The following RNF111 variants were observed in gnomAD, a reference collection of about 807,000 sequenced individuals.
RNF111 encodes the protein E3 ubiquitin-protein ligase Arkadia.
A neutral mutation model predicts 95.1 loss-of-function variants in RNF111; 17 were observed. The observed-to-expected ratio is 0.18, with a 90% CI of 0.12 to 0.27. The LOEUF is 0.27. Among genes scored for constraint, RNF111 ranks in the 10% least tolerant of loss-of-function variants. The pLI is 1.00. For missense variants in RNF111, 1,189 were observed against 1,210.4 expected (o/e 0.98, Z 0.26); for synonymous variants, 440 against 414.8 (o/e 1.06, Z -0.74).
Position 59,055,711 on chromosome 15 carries a change from C to T in RNF111, c.1037C>T (p.Ser346Phe). 6.2e-7 allele frequency: 1 copy of T among 1,613,846 alleles called. No individual in the cohort carries two copies. Among genetic ancestry groups the T allele is most frequent in the South Asian group, 1.1e-5 (1 of 91,058 alleles). The stretch of plus-strand genomic sequence containing the variant: ...CGTTCAACCCTTGGACACTCCAGAT[C>T]TCATTGGAGCCAGGGTTCCAGTTCT... ...RSRSTLGHSR[S>F]HWSQGSSSHA... is the part of the protein sequence containing the mutation. The change falls in exon 4 of 14, where the codon TCT becomes TTT. Residue 346 changes from serine to phenylalanine, a missense_variant. By Grantham distance (155) the Ser-to-Phe change is radical. Transcript: ENST00000348370.
At chr15:59,058,654 A>T in intron 5 of RNF111, 104 bp downstream of exon 5, 1 of 972,288 alleles carries the variant, frequency 1.0e-6, no homozygotes, top group Non-Finnish European at 1.6e-6. Flanking sequence ...ATAAGCGGGT[A>T]TTCTTACATT....
At chr15:59,049,283 CT>C (rs1416640726) in intron 2 of RNF111, 1 of 147,688 alleles carries the variant, frequency 6.8e-6, no homozygotes, top group Non-Finnish European at 1.5e-5. Flanking sequence ...CAGTTTTTGT[CT>C]TTTTATGACT....
chr15:59,050,568 T>C (rs2041933659), intron 2 of RNF111, among the ~76,000 whole-genome samples: 1 of 152,202 alleles, frequency 6.6e-6, no homozygotes, highest in Admixed American at 6.5e-5. Context: ...GTGTAATATT[T>C]AAGAGAAGTA....
In RNF111 at chr15:58,993,126, C is replaced by T. The variant is rs576766963; in HGVS notation, c.-20+5058C>T. Among the ~76,000 whole-genome samples the T allele has an allele frequency of 5.9e-5, 9 of 151,786 alleles. No homozygotes were observed. In the East Asian group the frequency reaches 9.7e-4, roughly 16 times the overall value. On this transcript the variant is annotated intron_variant, in intron 1 of 13. Coordinates refer to ENST00000348370, the MANE Select transcript of RNF111 (RefSeq NM_017610.8). ...CAGAGGTTGCAGTGAGCCAAGATTG[C>T]GCCACTGCCCTTCAGTCTGGGTGAC...
At chr15:59,074,423 G>C (rs758974893) in intron 6 of RNF111, among the ~76,000 whole-genome samples, 1 of 152,186 alleles carries the variant, frequency 6.6e-6, no homozygotes, top group African/African-American at 2.4e-5. Flanking sequence ...GGATTTTCTA[G>C]ATAACTTACT....
At chr15:58,995,841 C>G (rs2039047599) in intron 1 of RNF111, among the ~76,000 whole-genome samples, 1 of 116,372 alleles carries the variant, frequency 8.6e-6, no homozygotes, top group East Asian at 2.8e-4. Flanking sequence ...CATCTTATTT[C>G]TTTCCTTTGT....
chr15:59,091,164 T>C lies in RNF111; in HGVS notation c.2739+10T>C. 1 of 1,510,600 alleles carries C rather than the reference T, an allele frequency of 6.6e-7. No individual in the cohort carries two copies. Among genetic ancestry groups the C allele is most frequent in the African/African-American group, 1.4e-5 (1 of 72,792 alleles). The allele number at this position is 1,510,600 out of a possible 1,614,324, so 93.6% of individuals were successfully genotyped here. A position where few individuals can be genotyped will look rare whatever the true frequency, so the allele number is the denominator to read the frequency against. On this transcript the variant is annotated intron_variant, in intron 12 of 13. Coordinates refer to ENST00000348370, the MANE Select transcript of RNF111 (RefSeq NM_017610.8). The stretch of plus-strand genomic sequence containing the variant: ...ACATAAATACAAAAAGGTAAGAATT[T>C]ATTCTATGAAACTTCTGGAGTGTTA...
intron 1 of RNF111, among the ~76,000 whole-genome samples, chr15:59,008,902 A>G (rs554263433): frequency 5.9e-5 from 9 of 152,142 alleles, no homozygotes; most frequent in African/African-American, 1.2e-4. Context: ...TTAAAACAGT[A>G]TACTTTCATT....
intron 1 of RNF111, among the ~76,000 whole-genome samples, chr15:59,029,261 C>T (rs1333416082): frequency 6.6e-6 from 1 of 152,150 alleles, no homozygotes; most frequent in Non-Finnish European, 1.5e-5. Context: ...TCTTAGATCA[C>T]ATGTACCTGT....
chr15:59,077,223 T>G (rs1184578228), intron 7 of RNF111, among the ~76,000 whole-genome samples: 1 of 152,248 alleles, frequency 6.6e-6, no homozygotes, highest in Non-Finnish European at 1.5e-5. Context: ...ATTGATCATC[T>G]TTTATTTGAA....
At chr15:59,090,870 C>G (rs1197572280) in intron 11 of RNF111, among the ~76,000 whole-genome samples, 189 bp from the exon 12 acceptor site, 1 of 152,022 alleles carries the variant, frequency 6.6e-6, no homozygotes, top group Non-Finnish European at 1.5e-5. Context: ...CCAGCCTGGG[C>G]AACATATAAA....
At position 59,090,229 on chromosome 15, in the gene RNF111, TTTG is replaced by T. The variant is rs796896236; in HGVS notation, c.2643+482_2643+484del. On this transcript the variant is annotated intron_variant, in intron 11 of 13. Transcript: ENST00000348370. ...GTTTTTTTGTTTGTTTGTTTGTTTG[TTTG>T]TTGTTGTTGTTTTTTTAGATGGAGT... 1.3e-3 allele frequency among the ~76,000 whole-genome samples: 187 copies of T among 140,612 alleles called. 2 individuals carry two copies. In the South Asian group the frequency reaches 0.031, roughly 23 times the overall value. 92.2% of individuals were successfully genotyped at this position (140,612 alleles called of 152,430 possible). A position where few individuals can be genotyped will look rare whatever the true frequency, so the allele number is the denominator to read the frequency against.
intron 6 of RNF111, among the ~76,000 whole-genome samples, chr15:59,072,893 A>C (rs2043002048): frequency 6.7e-6 from 1 of 150,374 alleles, no homozygotes; most frequent in African/African-American, 2.5e-5. Context: ...AAAAAAAAAA[A>C]CAAAACACTT....
Position 59,010,549 on chromosome 15 carries a change from C to G in RNF111, c.-19-20255C>G, listed in dbSNP as rs550259460. Among the ~76,000 whole-genome samples, 4 of 152,026 alleles carry G rather than the reference C, an allele frequency of 2.6e-5. No individual in the cohort carries two copies. In the East Asian group the frequency reaches 7.8e-4, roughly 29 times the overall value. Reference sequence around the variant, plus strand: ...CCCAAGTAGCTGGGATTACAGGTGCCCACCACCACACCTAACTAATTTTTA... The same window carrying G: ...CCCAAGTAGCTGGGATTACAGGTGCGCACCACCACACCTAACTAATTTTTA... On this transcript the variant is annotated intron_variant, in intron 1 of 13. Coordinates refer to ENST00000348370, the MANE Select transcript of RNF111 (RefSeq NM_017610.8).
chr15:58,990,827 T>A (rs1443665492), intron 1 of RNF111, among the ~76,000 whole-genome samples: 1 of 152,208 alleles, frequency 6.6e-6, no homozygotes, highest in African/African-American at 2.4e-5. Flanking sequence ...TGTTTTTCTT[T>A]CAGAAACCTG....
Position 59,089,881 on chromosome 15 carries a change from C to T in RNF111, c.2643+122C>T, listed in dbSNP as rs2079000009. On this transcript the variant is annotated intron_variant, in intron 11 of 13. Coordinates refer to ENST00000348370, the MANE Select transcript of RNF111 (RefSeq NM_017610.8). ...GTGGCTGGGAATCACATGTGATTTT[C>T]TGATGTTGCTTCTGGGAGTTACAGA... The T allele has an allele frequency of 5.0e-6, 3 of 604,944 alleles. No homozygotes were observed. The East Asian group carries it at 7.9e-5, about 16-fold the overall frequency. The allele number at this position is 604,944 out of a possible 1,614,324, so 37.5% of individuals were successfully genotyped here. A position where few individuals can be genotyped will look rare whatever the true frequency, so the allele number is the denominator to read the frequency against.
intron 6 of RNF111, among the ~76,000 whole-genome samples, chr15:59,069,751 A>G (rs1370036564): frequency 6.6e-6 from 1 of 152,180 alleles, no homozygotes; most frequent in East Asian, 1.9e-4. Context: ...CCAAATGCTC[A>G]TAAAATAGCT....
chr15:59,068,594 A>G (rs1194989960), intron 6 of RNF111, among the ~76,000 whole-genome samples: 1 of 152,128 alleles, frequency 6.6e-6, no homozygotes, highest in African/African-American at 2.4e-5. Context: ...CAACAGAGCA[A>G]GACTCCGAAG....
intron 7 of RNF111, among the ~76,000 whole-genome samples, chr15:59,077,153 T>C (rs532232403): frequency 9.2e-5 from 14 of 152,258 alleles, no homozygotes; most frequent in Non-Finnish European, 1.9e-4. Context: ...GCCAATTCTT[T>C]GTATGAGCAC....
Sources: allele counts gnomAD v4.1 joint callset (sites outside exome capture counted in the v4.1 genomes callset), GRCh38; gene constraint gnomAD v4.1.1; transcripts MANE v1.5; gene names NCBI Gene and HGNC (gene_info 2026-07-23, HGNC 2026-07-21).